Variants in CWC22 observed in about 807,000 individuals in gnomAD.
The protein encoded by CWC22 is pre-mRNA-splicing factor CWC22 homolog.
CWC22 carries 53 observed loss-of-function variants against 117.2 expected under a neutral mutation model. That is an observed-to-expected ratio of 0.45 (90% CI 0.36 to 0.57). The LOEUF (loss-of-function observed/expected upper bound fraction) is 0.57. Ranked by LOEUF, CWC22 falls within the 20% of genes least tolerant of loss-of-function variation. The pLI is 0.00. For missense variants in CWC22, 980 were observed against 1,068.8 expected, an observed-to-expected ratio of 0.92 and a Z score of 1.16; for synonymous variants, 360 against 355.6, an observed-to-expected ratio of 1.01 and a Z score of -0.14.
intron 1 of CWC22, among the ~76,000 whole-genome samples, chr2:179,997,294 T>C (rs1687730374): frequency 6.6e-6 from 1 of 151,812 alleles, no homozygotes. Flanking sequence ...GTTAAGGATA[T>C]ATATATACTG....
At chr2:179,995,107 G>A (rs1036663733) in intron 1 of CWC22, among the ~76,000 whole-genome samples, 2 of 152,176 alleles carry the variant, frequency 1.3e-5, no homozygotes, top group Non-Finnish European at 2.9e-5. Flanking sequence ...AACAGAGTGA[G>A]ACTTCGTCTC....
At chr2:179,964,499 T>C in intron 13 of CWC22, 48 bp downstream of exon 13, 2 of 967,942 alleles carry the variant, frequency 2.1e-6, no homozygotes, top group East Asian at 2.6e-5. Flanking sequence ...TCTTTACCCA[T>C]CCCTTATCAA....
At chr2:179,964,809 C>T (rs1686848045) in intron 12 of CWC22, among the ~76,000 whole-genome samples, 181 bp from the exon 13 acceptor site, 1 of 152,060 alleles carries the variant, frequency 6.6e-6, no homozygotes, top group Admixed American at 6.5e-5. Flanking sequence ...AAGTCTTTTG[C>T]TATATGACAA....
At chr2:179,947,479 A>G (rs1055441044) in intron 19 of CWC22, among the ~76,000 whole-genome samples, 6 of 152,192 alleles carry the variant, frequency 3.9e-5, no homozygotes, top group African/African-American at 1.4e-4. Context: ...TGCTGCTTTT[A>G]TGCTATTTAG....
chr2:179,993,220 G>T, intron 2 of CWC22, 95 bp downstream of exon 2: 3 of 956,648 alleles, frequency 3.1e-6, no homozygotes, highest in Non-Finnish European at 1.6e-6. Context: ...CTACTGTCTG[G>T]CTCTGATGTC....
At chr2:179,998,263 G>A (rs1318217638) in intron 1 of CWC22, among the ~76,000 whole-genome samples, 4 of 151,946 alleles carry the variant, frequency 2.6e-5, no homozygotes, top group African/African-American at 9.7e-5. Flanking sequence ...AATTGGAAAG[G>A]GAAACAGAAA....
chr2:180,001,308 T>G (rs753409279), intron 1 of CWC22, among the ~76,000 whole-genome samples: 1 of 152,042 alleles, frequency 6.6e-6, no homozygotes, highest in Non-Finnish European at 1.5e-5. Flanking sequence ...AAGTTCACAC[T>G]TGATGCCTCT....
intron 8 of CWC22, among the ~76,000 whole-genome samples, chr2:179,971,406 T>C (rs1367207412): frequency 6.6e-6 from 1 of 152,134 alleles, no homozygotes; most frequent in Non-Finnish European, 1.5e-5. Context: ...AAAAATCATA[T>C]ACTACTTTCT....
chr2:179,950,228 A>G (rs547260900), intron 19 of CWC22, among the ~76,000 whole-genome samples: 105 of 152,332 alleles, frequency 6.9e-4, no homozygotes, highest in Non-Finnish European at 1.2e-3. Flanking sequence ...AAACTAGATT[A>G]CAAACATTAT....
At chr2:180,005,694 T>C (rs1687953626) in intron 1 of CWC22, among the ~76,000 whole-genome samples, 1 of 152,200 alleles carries the variant, frequency 6.6e-6, no homozygotes. Context: ...ATCAACTGTA[T>C]CATAGTAGTA....
chr2:179,968,521 A>G (rs1686948826), intron 11 of CWC22, among the ~76,000 whole-genome samples: 1 of 151,090 alleles, frequency 6.6e-6, no homozygotes, highest in South Asian at 2.1e-4. Context: ...ATATAATACA[A>G]AATATAAAAA....
intron 5 of CWC22, among the ~76,000 whole-genome samples, chr2:179,979,912 G>T (rs537011036): frequency 5.9e-5 from 9 of 152,236 alleles, no homozygotes; most frequent in Non-Finnish European, 1.2e-4. Flanking sequence ...CACAATTCAC[G>T]TATCTACTGA....
At chr2:179,979,831 A>G (rs1211421894) in intron 5 of CWC22, among the ~76,000 whole-genome samples, 1 of 152,136 alleles carries the variant, frequency 6.6e-6, no homozygotes, top group African/African-American at 2.4e-5. Flanking sequence ...CTCATATACA[A>G]TCACAACCTA....
At chr2:179,995,964 T>C (rs746631151) in intron 1 of CWC22, among the ~76,000 whole-genome samples, 27 of 152,234 alleles carry the variant, frequency 1.8e-4, no homozygotes, top group Admixed American at 3.9e-4. Flanking sequence ...ATATGCTGGG[T>C]ATAAATTGTT....
chr2:179,975,450 C>G (rs1263561095), intron 6 of CWC22, among the ~76,000 whole-genome samples: 1 of 152,024 alleles, frequency 6.6e-6, no homozygotes, highest in Non-Finnish European at 1.5e-5. Flanking sequence ...AGCCATTAGG[C>G]AAGAGAAAGA....
chr2:179,947,329 T>G (rs999918206), intron 19 of CWC22, among the ~76,000 whole-genome samples: 1 of 152,164 alleles, frequency 6.6e-6, no homozygotes, highest in African/African-American at 2.4e-5. Context: ...TCTGGCTCTG[T>G]GCTAAACCAG....
chr2:179,961,170 G>A (rs556283769), intron 13 of CWC22, among the ~76,000 whole-genome samples: 2 of 151,950 alleles, frequency 1.3e-5, no homozygotes, highest in Non-Finnish European at 2.9e-5. Context: ...CATATGCACA[G>A]AATTTAAAAT....
At chr2:179,992,430 G>A (rs960932260) in intron 2 of CWC22, among the ~76,000 whole-genome samples, 1 of 151,896 alleles carries the variant, frequency 6.6e-6, no homozygotes, top group Admixed American at 6.6e-5. Flanking sequence ...CCCAGATATC[G>A]GCATAGTTAA....
intron 4 of CWC22, 22 bp from the exon 5 acceptor site, chr2:179,982,019 G>A (rs758601639): frequency 4.7e-6 from 6 of 1,288,070 alleles, no homozygotes; most frequent in Non-Finnish European, 6.6e-6. Flanking sequence ...ATTTTTTGAA[G>A]AGCAGAAAAG....
Sources: allele counts gnomAD v4.1 joint callset (sites outside exome capture counted in the v4.1 genomes callset), GRCh38; gene constraint gnomAD v4.1.1; transcripts MANE v1.5; gene names NCBI Gene and HGNC (gene_info 2026-07-23, HGNC 2026-07-21).